The following ANKRD36B variants were observed in gnomAD, a reference collection of about 807,000 sequenced individuals.
ANKRD36B encodes ankyrin repeat domain 36B.
A neutral mutation model predicts 135.7 loss-of-function variants in ANKRD36B; 37 were observed. The ratio of observed to expected loss-of-function variants is 0.27; its 90% CI spans 0.21 to 0.36. ANKRD36B has a LOEUF of 0.36. Ranked by LOEUF, ANKRD36B falls within the 10% of genes least tolerant of loss-of-function variation. The pLI, the probability that ANKRD36B is intolerant of heterozygous loss-of-function variation, is 1.00. For synonymous variants in ANKRD36B, 179 were observed against 348.1 expected, an observed-to-expected ratio of 0.51 and a Z score of 5.41; for missense variants, 549 against 1,037.1, an observed-to-expected ratio of 0.53 and a Z score of 6.46.
chr2:97,585,165 T>G (rs1436804280), intron 2 of ANKRD36B, 48 bp from the exon 3 acceptor site: 1 of 1,613,632 alleles, frequency 6.2e-7, no homozygotes, highest in African/African-American at 1.3e-5. Context: ...AAAATCAAAA[T>G]AAACACTCCG....
At chr2:97,564,309 T>C (rs544234328) in intron 6 of ANKRD36B, among the ~76,000 whole-genome samples, 32 of 152,258 alleles carry the variant, frequency 2.1e-4, no homozygotes, top group African/African-American at 7.0e-4. Context: ...CTACTTACTT[T>C]CTTCATTTTT....
chr2:97,562,449 A>T (rs2081114333), intron 6 of ANKRD36B, among the ~76,000 whole-genome samples: 1 of 152,016 alleles, frequency 6.6e-6, no homozygotes, highest in Non-Finnish European at 1.5e-5. Flanking sequence ...TCTGATGTGA[A>T]CGAAGCATGT....
In ANKRD36B at chr2:97,557,149, A is replaced by G. The variant is rs1345986925; in HGVS notation, c.968-17T>C. ...GAGGAGACACTGAAAAGTAAAAGAA[A>G]TATATAATTCATCATATGTAAATAT... On this transcript the variant is annotated splice_polypyrimidine_tract_variant and intron_variant, in intron 10 of 43. Transcript: ENST00000359901. 6.6e-7 allele frequency: 1 copy of G among 1,515,196 alleles called. No individual in the cohort carries two copies. The highest frequency in any genetic ancestry group is 8.9e-7 in the Non-Finnish European group (1 of 1,127,516). 93.9% of individuals were successfully genotyped at this position (1,515,196 alleles called of 1,614,324 possible).
chr2:97,584,710 T>C (rs2082856264), intron 3 of ANKRD36B, among the ~76,000 whole-genome samples: 1 of 136,718 alleles, frequency 7.3e-6, no homozygotes, highest in South Asian at 2.7e-4. Flanking sequence ...TTTATTGTAA[T>C]TCATTTGTTT....
chr2:97,564,553 T>C (rs1489407398), intron 6 of ANKRD36B, among the ~76,000 whole-genome samples: 10 of 152,206 alleles, frequency 6.6e-5, no homozygotes, highest in Non-Finnish European at 1.3e-4. Context: ...TTAATTTTTG[T>C]ATAAAGTGTA....
chr2:97,569,563 A>T (rs1329282708), intron 6 of ANKRD36B, among the ~76,000 whole-genome samples: 1 of 151,818 alleles, frequency 6.6e-6, no homozygotes, highest in Non-Finnish European at 1.5e-5. Context: ...TTGGATGATT[A>T]TGATGCATCA....
intron 20 of ANKRD36B, among the ~76,000 whole-genome samples, chr2:97,548,983 G>A (rs1319568856): frequency 6.6e-6 from 1 of 151,840 alleles, no homozygotes; most frequent in African/African-American, 2.4e-5. Flanking sequence ...TGCTACACCA[G>A]GGGTCTCCTT....
intron 1 of ANKRD36B, among the ~76,000 whole-genome samples, chr2:97,587,715 A>G (rs2083118210): frequency 6.6e-6 from 1 of 152,216 alleles, no homozygotes; most frequent in East Asian, 1.9e-4. Flanking sequence ...TGTGATACTT[A>G]CCAACAAATT....
intron 20 of ANKRD36B, among the ~76,000 whole-genome samples, chr2:97,548,457 A>T (rs1316549484): frequency 2.6e-5 from 4 of 151,952 alleles, no homozygotes; most frequent in Non-Finnish European, 5.9e-5. Context: ...ATACCTATAC[A>T]AAGTAAAACT....
At chr2:97,588,001 C>T (rs2443805) in intron 1 of ANKRD36B, among the ~76,000 whole-genome samples, 82,178 of 148,944 alleles carry the variant, frequency 0.55, 24,350 homozygotes, top group Non-Finnish European at 0.67. Flanking sequence ...AATATGTATA[C>T]ACACATATTG....
chr2:97,537,857 A>T (rs2078967780), intron 32 of ANKRD36B, among the ~76,000 whole-genome samples: 1 of 96,008 alleles, frequency 1.0e-5, no homozygotes, highest in African/African-American at 3.1e-5. Flanking sequence ...TCCCCTTTCC[A>T]TAGAAACATG....
intron 37 of ANKRD36B, among the ~76,000 whole-genome samples, chr2:97,514,130 G>C (rs534036987): frequency 7.3e-6 from 1 of 137,084 alleles, no homozygotes; most frequent in Admixed American, 6.7e-5. Context: ...ATATCTTACA[G>C]AGTTTGACTC....
intron 18 of ANKRD36B, among the ~76,000 whole-genome samples, chr2:97,551,036 A>C (rs1559165836): frequency 6.6e-6 from 1 of 151,890 alleles, no homozygotes; most frequent in Non-Finnish European, 1.5e-5. Context: ...TGTGCCCCAG[A>C]GCCCCTTATG....
chr2:97,569,605 A>C lies in ANKRD36B; in HGVS notation c.763+6774T>G, dbSNP rs1409743012. On this transcript the variant is annotated intron_variant, in intron 6 of 43. Transcript: ENST00000359901. ...GCTTCTCAGTTGTAACAAATGTACC[A>C]CTCAGGTGGGAGATGTTGAAAATGG... Among the ~76,000 whole-genome samples, 5 of 151,436 alleles carry C rather than the reference A, an allele frequency of 3.3e-5. No individual in the cohort carries two copies. In the East Asian group the frequency reaches 9.8e-4, roughly 30 times the overall value.
At chr2:97,540,327 T>C in intron 28 of ANKRD36B, 98 bp from the exon 29 acceptor site, 1 of 778,148 alleles carries the variant, frequency 1.3e-6, no homozygotes. Flanking sequence ...TCCTTCTGCC[T>C]GTACTAGGGT....
intron 37 of ANKRD36B, among the ~76,000 whole-genome samples, chr2:97,515,029 G>A (rs1468605130): frequency 1.3e-5 from 1 of 77,520 alleles, no homozygotes; most frequent in African/African-American, 4.1e-5. Flanking sequence ...TCAGCCTCCT[G>A]CGTAGCTGGG....
At chr2:97,558,724 G>A (rs1260074915) in intron 10 of ANKRD36B, 75 bp downstream of exon 10, 47 of 1,595,560 alleles carry the variant, frequency 2.9e-5, no homozygotes, top group South Asian at 1.2e-4. Context: ...TGAATCCCCC[G>A]CTGATTTATT....
chr2:97,558,803 C>A lies in ANKRD36B; in HGVS notation c.963G>T (p.Gly321=). 4 of 1,611,332 alleles carry A rather than the reference C, an allele frequency of 2.5e-6. No individual in the cohort carries two copies. The highest frequency in any genetic ancestry group is 3.4e-6 in the Non-Finnish European group (4 of 1,178,622). ...AAATGTGTTTTGCAAAATTACCTGT[C>A]CCAGATTGTTGTCCCTCCTTTATTT... The part of the protein sequence containing the change: ...ATEIKEGQQS[G]TVSPQKQSAQ... Residue 321 remains glycine (G), a synonymous_variant, in exon 10 of 44, where the codon GGG becomes GGT. Transcript: ENST00000359901.
rs1161085438 is a variant in ANKRD36B, at chr2:97,549,366, A to C, written c.1477+53T>G. On this transcript the variant is annotated intron_variant, in intron 20 of 43. Coordinates refer to ENST00000359901, the MANE Select transcript of ANKRD36B (RefSeq NM_001393939.1). ...CCCCGCTGATTTATTTGGGGAAGAG[A>C]ACTTCTTATCTATCTGGACTGAACA... 12 of 1,516,596 alleles carry C rather than the reference A, an allele frequency of 7.9e-6. No homozygotes were observed. In the Admixed American group the frequency reaches 2.5e-4, roughly 31 times the overall value. The allele number at this position is 1,516,596 out of a possible 1,614,324, so 93.9% of individuals were successfully genotyped here.
Sources: allele counts gnomAD v4.1 joint callset (sites outside exome capture counted in the v4.1 genomes callset), GRCh38; gene constraint gnomAD v4.1.1; transcripts MANE v1.5; gene names NCBI Gene and HGNC (gene_info 2026-07-23, HGNC 2026-07-21).